Variants in GSX2 observed in about 807,000 individuals in gnomAD.
The protein encoded by GSX2 is genetic-screened homeobox 2.
GSX2 carries 16 observed loss-of-function variants against 19.2 expected under a neutral mutation model. The ratio of observed to expected loss-of-function variants is 0.84; its 90% CI spans 0.57 to 1.27. GSX2 has a LOEUF of 1.27. Among genes scored for constraint, GSX2 ranks in the 50% most tolerant of loss-of-function variants. The pLI is 0.00. For missense variants in GSX2, 448 were observed against 428.4 expected, an observed-to-expected ratio of 1.05 and a Z score of -0.40; for synonymous variants, 217 against 196.4, an observed-to-expected ratio of 1.10 and a Z score of -0.88.
Position 54,100,476 on chromosome 4 carries a change from C to G in GSX2, c.132C>G (p.Ser44=). ...GCATGCCGCCCCCATTGGTGATGTC[C>G]GTGTCCGGCCCCGGCTGCCCGTCCC... The part of the protein sequence containing the change: ...PLGMPPPLVM[S]VSGPGCPSRK... The change falls in exon 1 of 2, where the codon TCC becomes TCG. Residue 44 remains serine, a synonymous_variant. Coordinates refer to ENST00000326902, the MANE Select transcript of GSX2 (RefSeq NM_133267.3). The G allele has an allele frequency of 6.2e-7, 1 of 1,613,892 alleles. No homozygotes were observed. Among genetic ancestry groups the G allele is most frequent in the Non-Finnish European group, 8.5e-7 (1 of 1,179,946 alleles).
Position 54,100,308 on chromosome 4 carries a change from G to A in GSX2, c.-37G>A, listed in dbSNP as rs367974428. 77 of 1,607,714 alleles carry A rather than the reference G, an allele frequency of 4.8e-5. No individual in the cohort carries two copies. In the African/African-American group the frequency reaches 6.3e-4, roughly 13 times the overall value. On this transcript the variant is annotated 5_prime_UTR_variant, in exon 1 of 2. Coordinates refer to ENST00000326902, the MANE Select transcript of GSX2 (RefSeq NM_133267.3). ...AACACTAGAGGAGAGGGGTCGCCGC[G>A]AACTGCCGGGGCTTCCAGCCACCCA... is the stretch of plus-strand genomic sequence containing the variant.
At position 54,100,612 on chromosome 4, in the gene GSX2, G is replaced by C. The variant is rs528852767; in HGVS notation, c.268G>C (p.Ala90Pro). ...GGGCGCAGGGGCCGGGGTTACCGGG[G>C]CCGGAGGCAGTGGGGTGGCAGGGGC... is the stretch of plus-strand genomic sequence containing the variant. Reference protein sequence around the residue: ...SGGAGAGVTGAGGSGVAGAAG... With the variant: ...SGGAGAGVTGPGGSGVAGAAG... The change falls in exon 1 of 2, where the codon GCC (alanine) becomes CCC (proline). Residue 90 changes from alanine to proline, a missense_variant. Physicochemically the swap from Ala to Pro is conservative, Grantham distance 27. Transcript: ENST00000326902. 1 of 1,555,512 alleles carries C rather than the reference G, an allele frequency of 6.4e-7. No individual in the cohort carries two copies. The highest frequency in any genetic ancestry group is 2.0e-5 in the Admixed American group (1 of 50,924).
chr4:54,100,462 C>G lies in GSX2; in HGVS notation c.118C>G (p.Pro40Ala), dbSNP rs764654441. Residue 40 changes from proline (P) to alanine (A), a missense_variant, in exon 1 of 2, where the codon CCA becomes GCA. Physicochemically the swap from Pro to Ala is conservative, Grantham distance 27. Transcript: ENST00000326902. ...DFFIPLGMPP[P>A]LVMSVSGPGC... ...CTTCATCCCGCTTGGCATGCCGCCC[C>G]CATTGGTGATGTCCGTGTCCGGCCC... 12 of 1,613,886 alleles carry G rather than the reference C, an allele frequency of 7.4e-6. No individual in the cohort carries two copies. In the Admixed American group the frequency reaches 1.3e-4, roughly 18 times the overall value.
rs1231038410 is a variant in GSX2, at chr4:54,101,028, G to C, written c.574+110G>C. On this transcript the variant is annotated intron_variant, in intron 1 of 1. Transcript: ENST00000326902. This position sits in a 1 kb window ranked among gnomAD's most constrained non-coding sequence, Gnocchi z 5.0. ...GCCCGGGGACAGGGTGAAGAGAGAG[G>C]ACGGGCTTTTAGTGTAACCGTAGAG... 1 of 954,828 alleles carries C rather than the reference G, an allele frequency of 1.0e-6. No individual in the cohort carries two copies. Among genetic ancestry groups the C allele is most frequent in the Non-Finnish European group, 1.5e-6 (1 of 674,922 alleles). 59.1% of individuals were successfully genotyped at this position (954,828 alleles called of 1,614,324 possible). A position where few individuals can be genotyped will look rare whatever the true frequency, so the allele number is the denominator to read the frequency against.
rs767416061 is a variant in GSX2 at position 54,100,719 on chromosome 4, G to T, written c.375G>T (p.Ala125=). The part of the protein sequence containing the change: ...DAQFCPRVNH[A]HHHHHPPQHH... Reference sequence around the variant, plus strand: ...AGTTTTGCCCGCGGGTGAACCATGCGCATCATCACCACCACCCGCCGCAGC... The same window carrying T: ...AGTTTTGCCCGCGGGTGAACCATGCTCATCATCACCACCACCCGCCGCAGC... The change falls in exon 1 of 2, where the codon GCG becomes GCT. Residue 125 remains alanine (A), a synonymous_variant. Coordinates refer to ENST00000326902, the MANE Select transcript of GSX2 (RefSeq NM_133267.3). 6 of 1,548,130 alleles carry T rather than the reference G, an allele frequency of 3.9e-6. No individual in the cohort carries two copies. In the South Asian group the frequency reaches 4.8e-5, roughly 12 times the overall value.
At position 54,100,457 on chromosome 4, in the gene GSX2, C is replaced by T; in HGVS notation, c.113C>T (p.Pro38Leu). The change falls in exon 1 of 2, where the codon CCG becomes CTG. Residue 38 changes from proline (P) to leucine (L), a missense_variant. Coordinates refer to ENST00000326902, the MANE Select transcript of GSX2 (RefSeq NM_133267.3). ...GPDFFIPLGM[P>L]PPLVMSVSGP... ...GATTTCTTCATCCCGCTTGGCATGC[C>T]GCCCCCATTGGTGATGTCCGTGTCC... 6.2e-7 allele frequency: 1 copy of T among 1,613,990 alleles called. No individual in the cohort carries two copies. The highest frequency in any genetic ancestry group is 8.5e-7 in the Non-Finnish European group (1 of 1,179,964).
rs1453102084 is a variant in GSX2, at chr4:54,101,372, C to T, written c.575-210C>T. Among the ~76,000 whole-genome samples the T allele has an allele frequency of 6.6e-6, 1 of 152,248 alleles. No individual in the cohort carries two copies. Among genetic ancestry groups the T allele is most frequent in the East Asian group, 1.9e-4 (1 of 5,190 alleles). On this transcript the variant is annotated intron_variant, in intron 1 of 1. Transcript: ENST00000326902. This position sits in a 1 kb window ranked among gnomAD's most constrained non-coding sequence, Gnocchi z 5.0. ...CCCCCATCCCTCTTTAATCCTGTGA[C>T]TTCGCATCCTGCGCATCGAAGACCT...
At position 54,100,564 on chromosome 4, in the gene GSX2, G is replaced by C. The variant is rs1718147789; in HGVS notation, c.220G>C (p.Gly74Arg). Residue 74 changes from glycine (G) to arginine (R), a missense_variant, in exon 1 of 2, where the codon GGG (glycine) becomes CGG (arginine). Physicochemically the swap from Gly to Arg is moderately radical, Grantham distance 125. Coordinates refer to ENST00000326902, the MANE Select transcript of GSX2 (RefSeq NM_133267.3). ...CACTTCGCACCTGCACTCCTCTCGG[G>C]GGTCTGTGGGCGCCGGCAGCGGGGG... ...CVTSHLHSSR[G>R]SVGAGSGGAG... 1.3e-6 allele frequency: 2 copies of C among 1,596,520 alleles called. No homozygotes were observed. Among genetic ancestry groups the C allele is most frequent in the Non-Finnish European group, 1.7e-6 (2 of 1,173,328 alleles).
In GSX2 at chr4:54,100,461, C is replaced by A. The variant is rs1429095360; in HGVS notation, c.117C>A (p.Pro39=). The part of the protein sequence containing the change: ...PDFFIPLGMP[P]PLVMSVSGPG... ...TCTTCATCCCGCTTGGCATGCCGCC[C>A]CCATTGGTGATGTCCGTGTCCGGCC... The change falls in exon 1 of 2, where the codon CCC becomes CCA. Residue 39 remains proline (P), a synonymous_variant. Transcript: ENST00000326902. 1.2e-6 allele frequency: 2 copies of A among 1,614,006 alleles called. No individual in the cohort carries two copies. The highest frequency in any genetic ancestry group is 4.5e-5 in the East Asian group (2 of 44,850).
Position 54,101,877 on chromosome 4 carries a change from G to A in GSX2, c.870G>A (p.Leu290=). 1.9e-6 allele frequency: 3 copies of A among 1,612,882 alleles called. No individual in the cohort carries two copies. The highest frequency in any genetic ancestry group is 2.5e-6 in the Non-Finnish European group (3 of 1,179,014). ...HYARSEDEDS[L]SPASANDDKE... Reference sequence around the variant, plus strand: ...CGCGCTCCGAGGATGAGGACTCCCTGTCGCCGGCCTCAGCCAACGATGACA... The same window carrying A: ...CGCGCTCCGAGGATGAGGACTCCCTATCGCCGGCCTCAGCCAACGATGACA... The change falls in exon 2 of 2, where the codon CTG becomes CTA. Residue 290 remains leucine (L), a synonymous_variant. Coordinates refer to ENST00000326902, the MANE Select transcript of GSX2 (RefSeq NM_133267.3). This position sits in a 1 kb window ranked among gnomAD's most constrained non-coding sequence, Gnocchi z 5.0.
Position 54,100,271 on chromosome 4 carries a change from G to A in GSX2, c.-74G>A, listed in dbSNP as rs1718133529. The stretch of plus-strand genomic sequence containing the variant: ...CTGCCCGTGTCTGCGCGGCTCCCAG[G>A]GCAGAGCTTAGAACACTAGAGGAGA... On this transcript the variant is annotated 5_prime_UTR_variant, in exon 1 of 2. Coordinates refer to ENST00000326902, the MANE Select transcript of GSX2 (RefSeq NM_133267.3). 6.3e-7 allele frequency: 1 copy of A among 1,578,570 alleles called. No individual in the cohort carries two copies. The highest frequency in any genetic ancestry group is 1.3e-5 in the African/African-American group (1 of 74,246).
At position 54,100,316 on chromosome 4, in the gene GSX2, G is replaced by C. The variant is rs772092478; in HGVS notation, c.-29G>C. Reference sequence around the variant, plus strand: ...AGGAGAGGGGTCGCCGCGAACTGCCGGGGCTTCCAGCCACCCACCCCTCTC... The same window carrying C: ...AGGAGAGGGGTCGCCGCGAACTGCCCGGGCTTCCAGCCACCCACCCCTCTC... On this transcript the variant is annotated 5_prime_UTR_variant, in exon 1 of 2. Coordinates refer to ENST00000326902, the MANE Select transcript of GSX2 (RefSeq NM_133267.3). 2.4e-5 allele frequency: 39 copies of C among 1,608,842 alleles called. No homozygotes were observed. Among genetic ancestry groups the C allele is most frequent in the Non-Finnish European group, 3.3e-5 (39 of 1,179,400 alleles).
Position 54,101,964 on chromosome 4 carries a change from A to G in GSX2, c.*42A>G. 6.7e-7 allele frequency: 1 copy of G among 1,481,874 alleles called. No homozygotes were observed. The highest frequency in any genetic ancestry group is 9.1e-7 in the Non-Finnish European group (1 of 1,102,770). 91.8% of individuals were successfully genotyped at this position (1,481,874 alleles called of 1,614,324 possible). On this transcript the variant is annotated 3_prime_UTR_variant, in exon 2 of 2. Coordinates refer to ENST00000326902, the MANE Select transcript of GSX2 (RefSeq NM_133267.3). This position sits in a 1 kb window ranked among gnomAD's most constrained non-coding sequence, Gnocchi z 5.0. ...TCACATCCCCCGCTCCTGGCAGACC[A>G]GGCAACGCCAAGGCGTGGGGCACCC...
At position 54,100,407 on chromosome 4, in the gene GSX2, G is replaced by T. The variant is rs897696944; in HGVS notation, c.63G>T (p.Ser21=). 8 of 1,613,858 alleles carry T rather than the reference G, an allele frequency of 5.0e-6. No homozygotes were observed. Among genetic ancestry groups the T allele is most frequent in the Middle Eastern group, 1.6e-4 (1 of 6,084 alleles). Residue 21 remains serine, a synonymous_variant, in exon 1 of 2, where the codon TCG becomes TCT. Coordinates refer to ENST00000326902, the MANE Select transcript of GSX2 (RefSeq NM_133267.3). Reference sequence around the variant, plus strand: ...AGGACACCTCACGGCCTGCGCCCTCGCTGCCTGAACCGCACCCCGGGCCGG... The same window carrying T: ...AGGACACCTCACGGCCTGCGCCCTCTCTGCCTGAACCGCACCCCGGGCCGG... ...IIKDTSRPAP[S]LPEPHPGPDF... is the part of the protein sequence containing the mutation.
chr4:54,101,533 G>A lies in GSX2; in HGVS notation c.575-49G>A. ...GTCCTGGTTAGCACATGGGGTGGGA[G>A]CACCTTGCCCGAGCCTTACCTCTCT... On this transcript the variant is annotated intron_variant, in intron 1 of 1. Coordinates refer to ENST00000326902, the MANE Select transcript of GSX2 (RefSeq NM_133267.3). This position sits in a 1 kb window ranked among gnomAD's most constrained non-coding sequence, Gnocchi z 5.0. The A allele has an allele frequency of 1.5e-6, 2 of 1,314,472 alleles. No individual in the cohort carries two copies. The highest frequency in any genetic ancestry group is 2.2e-6 in the Non-Finnish European group (2 of 926,894). The allele number at this position is 1,314,472 out of a possible 1,614,324, so 81.4% of individuals were successfully genotyped here.
Position 54,100,632 on chromosome 4 carries a change from A to C in GSX2, c.288A>C (p.Ala96=), listed in dbSNP as rs1718151808. The stretch of plus-strand genomic sequence containing the variant: ...CCGGGGCCGGAGGCAGTGGGGTGGC[A>C]GGGGCCGCAGGGGCACTGCCTCTGC... The part of the protein sequence containing the change: ...GVTGAGGSGV[A]GAAGALPLLK... Residue 96 remains alanine (A), a synonymous_variant, in exon 1 of 2, where the codon GCA becomes GCC. Coordinates refer to ENST00000326902, the MANE Select transcript of GSX2 (RefSeq NM_133267.3). The C allele has an allele frequency of 6.5e-7, 1 of 1,547,476 alleles. No individual in the cohort carries two copies. Among genetic ancestry groups the C allele is most frequent in the Non-Finnish European group, 8.7e-7 (1 of 1,146,232 alleles).
Position 54,101,906 on chromosome 4 carries a change from A to T in GSX2, c.899A>T (p.Glu300Val), listed in dbSNP as rs761638372. The T allele has an allele frequency of 1.2e-6, 2 of 1,606,156 alleles. No homozygotes were observed. Among genetic ancestry groups the T allele is most frequent in the Non-Finnish European group, 8.5e-7 (1 of 1,175,254 alleles). The stretch of plus-strand genomic sequence containing the variant: ...CCGGCCTCAGCCAACGATGACAAGG[A>T]GATTTCCCCCTTATGAGGGAGGGCC... Reference protein sequence around the residue: ...LSPASANDDKEISPL With the variant: ...LSPASANDDKVISPL The change falls in exon 2 of 2, where the codon GAG (glutamate) becomes GTG (valine). Residue 300 changes from glutamate to valine, a missense_variant. Glu to Val is a moderately radical substitution (Grantham distance 121). Coordinates refer to ENST00000326902, the MANE Select transcript of GSX2 (RefSeq NM_133267.3). This position sits in a 1 kb window ranked among gnomAD's most constrained non-coding sequence, Gnocchi z 5.0.
At position 54,101,594 on chromosome 4, in the gene GSX2, C is replaced by T. The variant is rs1370637359; in HGVS notation, c.587C>T (p.Ala196Val). Residue 196 changes from alanine (A) to valine (V), a missense_variant, in exon 2 of 2, where the codon GCC (alanine) becomes GTC (valine). Transcript: ENST00000326902. The surrounding 1 kb of genome is among the most constrained non-coding windows in gnomAD (Gnocchi z 5.0). Reference sequence around the variant, plus strand: ...CGCCGGTCCGCAGGAGGCTCTGACGCCAGCCAGGTACCCAATGGCAAGAGG... The same window carrying T: ...CGCCGGTCCGCAGGAGGCTCTGACGTCAGCCAGGTACCCAATGGCAAGAGG... ...FHCLTMGGSDASQVPNGKRMR... is the reference protein window; with the variant it reads ...FHCLTMGGSDVSQVPNGKRMR... 6.2e-7 allele frequency: 1 copy of T among 1,612,404 alleles called. No individual in the cohort carries two copies. The highest frequency in any genetic ancestry group is 8.5e-7 in the Non-Finnish European group (1 of 1,178,968).
chr4:54,100,943 G>C, intron 1 of GSX2, 25 bp downstream of exon 1: 1 of 1,529,876 alleles, frequency 6.5e-7, no homozygotes, highest in South Asian at 1.2e-5. Context: ...TGGGGCACCT[G>C]CGCTCCGCGC....
Sources: allele counts gnomAD v4.1 joint callset (sites outside exome capture counted in the v4.1 genomes callset), GRCh38; gene constraint gnomAD v4.1.1; non-coding constraint Gnocchi (gnomAD v3.1); transcripts MANE v1.5; gene names NCBI Gene and HGNC (gene_info 2026-07-23, HGNC 2026-07-21).